The following ZBTB46 variants were observed in gnomAD, a reference collection of about 807,000 sequenced individuals.
ZBTB46 encodes zinc finger and BTB domain containing 46, also known as zinc finger and BTB domain-containing protein 46.
A neutral mutation model predicts 44.1 loss-of-function variants in ZBTB46; 8 were observed. The observed-to-expected ratio is 0.18, with a 90% CI of 0.11 to 0.33. The LOEUF (loss-of-function observed/expected upper bound fraction) is 0.33. ZBTB46 is among the 10% of genes least tolerant of loss of function. The probability of loss-of-function intolerance (pLI) is 1.00; values close to 1 mark genes in which losing one functional copy is unlikely to be tolerated. For missense variants in ZBTB46, 651 were observed against 847.7 expected (o/e 0.77, Z 2.88); for synonymous variants, 409 against 382.3 (o/e 1.07, Z -0.81).
rs1254134829 is a variant in ZBTB46 at position 63,751,134 on chromosome 20, G to A, written c.1398+1552C>T. 7.0e-5 allele frequency among the ~76,000 whole-genome samples: 7 copies of A among 100,100 alleles called. No homozygotes were observed. The South Asian group carries it at 9.0e-4, about 13-fold the overall frequency. The allele number at this position is 100,100 out of a possible 152,430, so 65.7% of individuals were successfully genotyped here. ...GCCTGGTGCAGCTACCCCTCCCCCC[G>A]CCCCCGCGGCTTTTTATAAGTGGTT... On this transcript the variant is annotated intron_variant, in intron 4 of 4. Coordinates refer to ENST00000245663, the MANE Select transcript of ZBTB46 (RefSeq NM_001369741.1).
At chr20:63,747,463 GGGC>G (rs1568823785) in intron 4 of ZBTB46, among the ~76,000 whole-genome samples, 162 bp from the exon 5 acceptor site, 12 of 40,034 alleles carry the variant, frequency 3.0e-4, no homozygotes, top group African/African-American at 7.1e-4. Context: ...GAGGTGGGGG[GGGC>G]GGGGCAGGGG....
At chr20:63,771,224 A>G (rs528219578) in intron 3 of ZBTB46, among the ~76,000 whole-genome samples, 1 of 152,088 alleles carries the variant, frequency 6.6e-6, no homozygotes. Flanking sequence ...AGGAGAGAGG[A>G]GCCGGCGGCC....
intron 3 of ZBTB46, among the ~76,000 whole-genome samples, chr20:63,766,301 C>T (rs1181749126): frequency 6.6e-5 from 10 of 151,042 alleles, no homozygotes; most frequent in African/African-American, 1.7e-4. Flanking sequence ...CTGCAACTTC[C>T]GCCTCCCGGG....
intron 2 of ZBTB46, among the ~76,000 whole-genome samples, chr20:63,777,119 C>CCACACGCCACGGTTCCAG (rs1439662445): frequency 2.1e-5 from 1 of 48,252 alleles, no homozygotes; most frequent in Non-Finnish European, 5.1e-5. Context: ...CACGGTTCCA[C>CCACACGCCACGGTTCCAG]CACACGCCAC....
chr20:63,807,534 G>A (rs890096577), intron 1 of ZBTB46, among the ~76,000 whole-genome samples: 2 of 152,098 alleles, frequency 1.3e-5, no homozygotes, highest in South Asian at 2.1e-4. Flanking sequence ...TAGTAGGAAC[G>A]GGGTTTCACC....
At position 63,745,388 on chromosome 20, in the gene ZBTB46, G is replaced by A. The variant is rs918458615; in HGVS notation, c.*1542C>T. On this transcript the variant is annotated 3_prime_UTR_variant, in exon 5 of 5. Coordinates refer to ENST00000245663, the MANE Select transcript of ZBTB46 (RefSeq NM_001369741.1). ...CTGCGCTGTACCTGGAGTCCTCCAT[G>A]TACTCCTCCACAGGACCCCCGGCCA... is the stretch of plus-strand genomic sequence containing the variant. 15 of 152,208 alleles carry A rather than the reference G, an allele frequency of 9.9e-5. No homozygotes were observed. The highest frequency in any genetic ancestry group is 3.6e-4 in the African/African-American group (15 of 41,430). The allele number at this position is 152,208 out of a possible 1,614,324, so 9.4% of individuals were successfully genotyped here. A position where few individuals can be genotyped will look rare whatever the true frequency, so the allele number is the denominator to read the frequency against.
At chr20:63,830,653 C>T (rs945830547) in intron 1 of ZBTB46, among the ~76,000 whole-genome samples, 12 of 148,942 alleles carry the variant, frequency 8.1e-5, no homozygotes, top group African/African-American at 2.9e-4. Context: ...CGCCAAGACG[C>T]CCCCGGGCTG....
chr20:63,781,775 G>C (rs1482590451), intron 2 of ZBTB46, among the ~76,000 whole-genome samples: 3 of 143,084 alleles, frequency 2.1e-5, no homozygotes, highest in Non-Finnish European at 4.6e-5. Context: ...CTGGACAACA[G>C]AGCGAGACTC....
At chr20:63,786,656 C>T (rs867860028) in intron 2 of ZBTB46, among the ~76,000 whole-genome samples, 6 of 152,048 alleles carry the variant, frequency 3.9e-5, no homozygotes, top group Non-Finnish European at 7.4e-5. Flanking sequence ...GGACTACAGG[C>T]GCGCACCACC....
chr20:63,794,823 A>G (rs768829309), intron 1 of ZBTB46, among the ~76,000 whole-genome samples: 6 of 152,246 alleles, frequency 3.9e-5, no homozygotes, highest in Non-Finnish European at 8.8e-5. Flanking sequence ...CCCTGGCCAC[A>G]GGACACACCT....
At chr20:63,806,528 C>CA (rs895932405) in intron 1 of ZBTB46, among the ~76,000 whole-genome samples, 70 of 151,452 alleles carry the variant, frequency 4.6e-4, no homozygotes, top group African/African-American at 1.6e-3. Context: ...ATGGTAACTT[C>CA]AAAAAAAATA....
chr20:63,815,846 G>C (rs1280762554), intron 1 of ZBTB46, among the ~76,000 whole-genome samples: 1 of 104,286 alleles, frequency 9.6e-6, no homozygotes, highest in African/African-American at 4.3e-5. Flanking sequence ...CACAGGTGCA[G>C]TGAGTGCAGG....
intron 1 of ZBTB46, among the ~76,000 whole-genome samples, chr20:63,815,860 AGGTGG>A (rs1568902103): frequency 1.0e-4 from 10 of 100,348 alleles, no homozygotes; most frequent in African/African-American, 4.6e-4. Context: ...GTGCAGGTGC[AGGTGG>A]GCGCAGGTCC....
rs758446704 is a variant in ZBTB46, at chr20:63,746,199, C to T, written c.*731G>A. On this transcript the variant is annotated 3_prime_UTR_variant, in exon 5 of 5. Coordinates refer to ENST00000245663, the MANE Select transcript of ZBTB46 (RefSeq NM_001369741.1). ...GAAGTGCACACGACTGAGCCGAGGC[C>T]CTTGCAGAGGGAACCTGGTGTGGCC... 1 of 152,862 alleles carries T rather than the reference C, an allele frequency of 6.5e-6. No homozygotes were observed. The highest frequency in any genetic ancestry group is 1.5e-5 in the Non-Finnish European group (1 of 68,236). The allele number at this position is 152,862 out of a possible 1,614,324, so 9.5% of individuals were successfully genotyped here.
Position 63,775,712 on chromosome 20 carries a change from G to A in ZBTB46, c.1188C>T (p.Phe396=), listed in dbSNP as rs377451070. The A allele has an allele frequency of 5.6e-6, 9 of 1,603,316 alleles. No homozygotes were observed. Among genetic ancestry groups the A allele is most frequent in the African/African-American group, 5.3e-5 (4 of 74,906 alleles). Residue 396 remains phenylalanine (F), a synonymous_variant, in exon 3 of 5, where the codon TTC becomes TTT. Coordinates refer to ENST00000245663, the MANE Select transcript of ZBTB46 (RefSeq NM_001369741.1). ...AGTGGGCCCCTCTGGGCAGGTACTC[G>A]AACAGCAGGGAGCCGTCATCCCCCA... ...DVLGDDGSLL[F]EYLPRGAHSL...
chr20:63,832,446 C>T (rs1298137194), upstream of ZBTB46, among the ~76,000 whole-genome samples: 1 of 152,198 alleles, frequency 6.6e-6, no homozygotes, highest in Non-Finnish European at 1.5e-5. This position sits in a 1 kb window ranked among gnomAD's most constrained non-coding sequence, Gnocchi z 5.0. Flanking sequence ...CCCAGCGCAG[C>T]GGATTCCTCG....
chr20:63,797,734 T>C (rs1438006654), intron 1 of ZBTB46, among the ~76,000 whole-genome samples: 4 of 152,244 alleles, frequency 2.6e-5, no homozygotes, highest in Non-Finnish European at 5.9e-5. Flanking sequence ...GGTTTTGATT[T>C]GCATTTCTCT....
At chr20:63,774,678 GGC>G (rs764869625) in intron 3 of ZBTB46, among the ~76,000 whole-genome samples, 33 of 137,350 alleles carry the variant, frequency 2.4e-4, no homozygotes, top group African/African-American at 8.9e-4. Flanking sequence ...GCTGGGGGCT[GGC>G]TGCGGTGGGT....
chr20:63,759,722 C>T (rs1234506840), intron 3 of ZBTB46, among the ~76,000 whole-genome samples: 1 of 152,174 alleles, frequency 6.6e-6, no homozygotes, highest in African/African-American at 2.4e-5. Context: ...GTGTATCGTT[C>T]CCGTGCTCAG....
Sources: allele counts gnomAD v4.1 joint callset (sites outside exome capture counted in the v4.1 genomes callset), GRCh38; gene constraint gnomAD v4.1.1; non-coding constraint Gnocchi (gnomAD v3.1); transcripts MANE v1.5; gene names NCBI Gene and HGNC (gene_info 2026-07-23, HGNC 2026-07-21).